The following CBFA2T3 variants were observed in gnomAD, a reference collection of about 807,000 sequenced individuals.
CBFA2T3 encodes the protein CBFA2/RUNX1 partner transcriptional co-repressor 3, also known as transcriptional corepressor CBFA2T3.
CBFA2T3 carries 31 observed loss-of-function variants against 58.6 expected under a neutral mutation model. The ratio of observed to expected loss-of-function variants is 0.53; its 90% confidence interval spans 0.40 to 0.71. CBFA2T3 has a LOEUF of 0.71. CBFA2T3 is among the 30% of genes least tolerant of loss of function. The pLI is 0.00. For synonymous variants in CBFA2T3, 531 were observed against 421.9 expected (o/e 1.26, Z -3.17); for missense variants, 1,076 against 963.1 (o/e 1.12, Z -1.55).
In CBFA2T3 at chr16:88,877,361, G is replaced by A. The variant is rs1299731669; in HGVS notation, c.1663-86C>T. 4 of 1,095,306 alleles carry A rather than the reference G, an allele frequency of 3.7e-6. No homozygotes were observed. The Admixed American group carries it at 1.1e-4, about 29-fold the overall frequency. 67.8% of individuals were successfully genotyped at this position (1,095,306 alleles called of 1,614,324 possible). A position where few individuals can be genotyped will look rare whatever the true frequency, so the allele number is the denominator to read the frequency against. On this transcript the variant is annotated intron_variant, in intron 11 of 11. Coordinates refer to ENST00000268679, the MANE Select transcript of CBFA2T3 (RefSeq NM_005187.6). Reference sequence around the variant, plus strand: ...GCCTCAACCAAGCCATTCAGACCCAGCCACGTCATCACCAGGTGAGAAGAG... The same window carrying A: ...GCCTCAACCAAGCCATTCAGACCCAACCACGTCATCACCAGGTGAGAAGAG...
intron 1 of CBFA2T3, among the ~76,000 whole-genome samples, chr16:88,909,995 C>T (rs893233853): frequency 1.1e-4 from 17 of 152,336 alleles, no homozygotes; most frequent in African/African-American, 3.4e-4. Flanking sequence ...GCGGCTCCCA[C>T]GGCGGCTCCC....
chr16:88,940,546 A>C (rs948063789), intron 1 of CBFA2T3, among the ~76,000 whole-genome samples: 1 of 152,328 alleles, frequency 6.6e-6, no homozygotes, highest in South Asian at 2.1e-4. Context: ...GGCAGGGTCC[A>C]GGACCCCCAG....
chr16:88,931,941 T>C (rs1971321602), intron 1 of CBFA2T3, among the ~76,000 whole-genome samples: 1 of 152,134 alleles, frequency 6.6e-6, no homozygotes, highest in Non-Finnish European at 1.5e-5. Context: ...TGAGGCTGGC[T>C]GTGGGGATCC....
At chr16:88,902,419 A>G (rs1424823039) in intron 1 of CBFA2T3, 1 of 152,278 alleles carries the variant, frequency 6.6e-6, no homozygotes, top group Non-Finnish European at 1.5e-5. Context: ...CAGCTGAACA[A>G]GATTCCCTCG....
chr16:88,893,401 C>A (rs1969732621), intron 3 of CBFA2T3, among the ~76,000 whole-genome samples: 3 of 152,100 alleles, frequency 2.0e-5, no homozygotes, highest in Admixed American at 6.5e-5. Flanking sequence ...CAGCCCTGAG[C>A]AATGTCCCAG....
intron 1 of CBFA2T3, among the ~76,000 whole-genome samples, chr16:88,913,923 A>G (rs1230369783): frequency 2.0e-5 from 3 of 152,010 alleles, no homozygotes; most frequent in African/African-American, 7.2e-5. Flanking sequence ...TAGCCGGCTC[A>G]CTCCTGGGCA....
intron 1 of CBFA2T3, among the ~76,000 whole-genome samples, chr16:88,934,108 C>T (rs1411903939): frequency 6.6e-6 from 1 of 152,272 alleles, no homozygotes; most frequent in Non-Finnish European, 1.5e-5. Flanking sequence ...ATGATCCACG[C>T]CCCTTCCCTG....
intron 5 of CBFA2T3, among the ~76,000 whole-genome samples, chr16:88,888,791 T>TGGCCCCG (rs879261812): frequency 5.3e-5 from 8 of 151,654 alleles, no homozygotes; most frequent in Non-Finnish European, 1.0e-4. Context: ...CATGTCCCAC[T>TGGCCCCG]GGCCCCGGGC....
intron 2 of CBFA2T3, among the ~76,000 whole-genome samples, chr16:88,900,648 T>C (rs1305040681): frequency 6.6e-6 from 1 of 152,212 alleles, no homozygotes; most frequent in Admixed American, 6.5e-5. Flanking sequence ...GGCCGCTGCA[T>C]GTGGAGGTGG....
intron 1 of CBFA2T3, chr16:88,939,509 G>A (rs998228162): frequency 2.0e-5 from 3 of 152,274 alleles, no homozygotes; most frequent in African/African-American, 7.2e-5. Context: ...TTCCCTTTCA[G>A]TGTGGAAGAG....
intron 5 of CBFA2T3, 24 bp downstream of exon 5, chr16:88,891,858 C>G: frequency 6.4e-7 from 1 of 1,559,578 alleles, no homozygotes; most frequent in Non-Finnish European, 8.8e-7. Flanking sequence ...GCTCCCGCAG[C>G]ACGGGGGACG....
Position 88,875,183 on chromosome 16 carries a change from A to G in CBFA2T3, c.*1793T>C, listed in dbSNP as rs988940571. 2 of 234,226 alleles carry G rather than the reference A, an allele frequency of 8.5e-6. No individual in the cohort carries two copies. The highest frequency in any genetic ancestry group is 1.7e-5 in the Non-Finnish European group (2 of 118,972). The allele number at this position is 234,226 out of a possible 1,614,324, so 14.5% of individuals were successfully genotyped here. On this transcript the variant is annotated 3_prime_UTR_variant, in exon 12 of 12. Coordinates refer to ENST00000268679, the MANE Select transcript of CBFA2T3 (RefSeq NM_005187.6). ...TGCCAGGCCACGGGCCACACCACGCACACAGATGCCAAGCCACGGGCCACG... is the reference window on the plus strand; with the variant it reads ...TGCCAGGCCACGGGCCACACCACGCGCACAGATGCCAAGCCACGGGCCACG...
At chr16:88,967,502 G>T (rs530850047) in intron 1 of CBFA2T3, among the ~76,000 whole-genome samples, 1 of 151,968 alleles carries the variant, frequency 6.6e-6, no homozygotes, top group Non-Finnish European at 1.5e-5. Context: ...AGGAAGCCGT[G>T]GTGGGGTGTG....
intron 1 of CBFA2T3, among the ~76,000 whole-genome samples, chr16:88,947,931 T>C (rs1342553711): frequency 6.6e-6 from 1 of 152,128 alleles, no homozygotes; most frequent in African/African-American, 2.4e-5. Flanking sequence ...AAAATAAAGA[T>C]ACAAAGTAAA....
intron 1 of CBFA2T3, among the ~76,000 whole-genome samples, chr16:88,952,724 T>G (rs1041307247): frequency 2.0e-5 from 3 of 152,156 alleles, no homozygotes; most frequent in African/African-American, 7.2e-5. Context: ...AATTCCCTGA[T>G]CTACCCTTCC....
Position 88,976,913 on chromosome 16 carries a change from C to T in CBFA2T3, c.-106G>A. 7.2e-7 allele frequency: 1 copy of T among 1,379,630 alleles called. No homozygotes were observed. The highest frequency in any genetic ancestry group is 9.7e-7 in the Non-Finnish European group (1 of 1,029,256). 85.5% of individuals were successfully genotyped at this position (1,379,630 alleles called of 1,614,324 possible). On this transcript the variant is annotated 5_prime_UTR_variant, in exon 1 of 12. An upstream open reading frame in the 5' UTR gains an earlier in-frame stop. Coordinates refer to ENST00000268679, the MANE Select transcript of CBFA2T3 (RefSeq NM_005187.6). Reference sequence around the variant, plus strand: ...TTGAGGGAAAGAGGAGGGGCTGGGCCAGCTGGGGCGTCCTGGAGTTGGGCC... The same window carrying T: ...TTGAGGGAAAGAGGAGGGGCTGGGCTAGCTGGGGCGTCCTGGAGTTGGGCC...
chr16:88,955,936 C>T (rs1206665608), intron 1 of CBFA2T3, among the ~76,000 whole-genome samples: 6 of 147,860 alleles, frequency 4.1e-5, no homozygotes, highest in Non-Finnish European at 9.0e-5. Context: ...GCTCCTGACC[C>T]CGCCCAAGGC....
chr16:88,913,652 T>G (rs987450963), intron 1 of CBFA2T3, among the ~76,000 whole-genome samples: 2 of 152,182 alleles, frequency 1.3e-5, no homozygotes, highest in Non-Finnish European at 2.9e-5. Flanking sequence ...TGGGGGGGTC[T>G]CAGCCGGGAC....
At chr16:88,923,126 G>C (rs764721943) in intron 1 of CBFA2T3, among the ~76,000 whole-genome samples, 1 of 152,208 alleles carries the variant, frequency 6.6e-6, no homozygotes, top group Non-Finnish European at 1.5e-5. Context: ...GGAGAGACGC[G>C]GGGGAGTTTG....
Sources: allele counts gnomAD v4.1 joint callset (sites outside exome capture counted in the v4.1 genomes callset), GRCh38; gene constraint gnomAD v4.1.1; transcripts MANE v1.5; gene names NCBI Gene and HGNC (gene_info 2026-07-23, HGNC 2026-07-21).